Variants in CPNE4 observed in about 807,000 individuals in gnomAD.
The protein encoded by CPNE4 is copine 4.
CPNE4 carries 25 observed loss-of-function variants against 67.9 expected under a neutral mutation model. The observed-to-expected ratio is 0.37, with a 90% confidence interval of 0.27 to 0.51. The LOEUF (loss-of-function observed/expected upper bound fraction) is 0.51. CPNE4 is among the 20% of genes least tolerant of loss of function. The probability of loss-of-function intolerance (pLI) is 0.93; values close to 1 mark genes in which losing one functional copy is unlikely to be tolerated. For synonymous variants in CPNE4, 242 were observed against 244.9 expected (o/e 0.99, Z 0.11); for missense variants, 464 against 690.8 (o/e 0.67, Z 3.68).
At chr3:131,696,890 T>C (rs2081169742) in intron 4 of CPNE4, among the ~76,000 whole-genome samples, 1 of 152,116 alleles carries the variant, frequency 6.6e-6, no homozygotes, top group East Asian at 1.9e-4. Context: ...AGAAGAGCAG[T>C]TTGGAAGAGC....
chr3:131,966,593 A>G (rs2072355454), intron 1 of CPNE4, among the ~76,000 whole-genome samples: 1 of 152,104 alleles, frequency 6.6e-6, no homozygotes, highest in African/African-American at 2.4e-5. Context: ...ACTATAAACA[A>G]CTCTACACAG....
At chr3:131,612,277 G>A (rs187272327) in intron 7 of CPNE4, among the ~76,000 whole-genome samples, 231 of 152,280 alleles carry the variant, frequency 1.5e-3, no homozygotes, top group African/African-American at 5.2e-3. Context: ...AGGAGGCTGA[G>A]GCAGGAGAAT....
intron 2 of CPNE4, among the ~76,000 whole-genome samples, chr3:131,738,572 A>G (rs78381381): frequency 0.02 from 3,036 of 152,262 alleles, 84 homozygotes; most frequent in East Asian, 0.079. Context: ...CAACCCTGAA[A>G]TTCTAATTCT....
intron 1 of CPNE4, among the ~76,000 whole-genome samples, chr3:131,956,651 T>C (rs948658296): frequency 3.3e-5 from 5 of 152,132 alleles, no homozygotes; most frequent in Non-Finnish European, 7.4e-5. Flanking sequence ...TGAAAAACTA[T>C]ATAAATATCC....
intron 2 of CPNE4, among the ~76,000 whole-genome samples, chr3:131,824,604 A>T (rs1033467615): frequency 1.8e-4 from 28 of 152,178 alleles, no homozygotes; most frequent in African/African-American, 6.8e-4. Flanking sequence ...ATATTTAAGC[A>T]AGTAAGCCTG....
chr3:131,975,762 C>T (rs962335900), intron 1 of CPNE4, among the ~76,000 whole-genome samples: 7 of 152,008 alleles, frequency 4.6e-5, no homozygotes, highest in African/African-American at 1.7e-4. Flanking sequence ...TTTGTGTATT[C>T]GAATCATAAA....
At chr3:131,781,139 C>G (rs576756124) in intron 2 of CPNE4, among the ~76,000 whole-genome samples, 1 of 152,126 alleles carries the variant, frequency 6.6e-6, no homozygotes, top group East Asian at 1.9e-4. Context: ...TGTCAGTAAA[C>G]CCGGGTATGG....
At chr3:131,997,788 G>T (rs1486088724) in intron 1 of CPNE4, among the ~76,000 whole-genome samples, 1 of 152,130 alleles carries the variant, frequency 6.6e-6, no homozygotes, top group Non-Finnish European at 1.5e-5. Context: ...AAAGCGGCCA[G>T]ATTTGGCAGG....
intron 7 of CPNE4, among the ~76,000 whole-genome samples, chr3:131,590,056 G>A (rs1938433737): frequency 6.6e-6 from 1 of 152,104 alleles, no homozygotes; most frequent in African/African-American, 2.4e-5. Flanking sequence ...TGGAAACTAT[G>A]ATGTCTAATT....
At chr3:131,940,074 C>T (rs1268779425) in intron 1 of CPNE4, among the ~76,000 whole-genome samples, 1 of 152,066 alleles carries the variant, frequency 6.6e-6, no homozygotes. Flanking sequence ...TGCTCTAACC[C>T]TGTCCTGGAA....
intron 2 of CPNE4, among the ~76,000 whole-genome samples, chr3:131,839,824 G>C (rs1023062491): frequency 7.2e-5 from 11 of 152,262 alleles, no homozygotes; most frequent in African/African-American, 2.6e-4. Flanking sequence ...ACCCCAGGCA[G>C]ATTGTTAAAA....
At chr3:131,716,245 G>GGAGGCA (rs66470373) in intron 3 of CPNE4, among the ~76,000 whole-genome samples, 72,053 of 151,034 alleles carry the variant, frequency 0.48, 17,380 homozygotes, top group Non-Finnish European at 0.52. Flanking sequence ...GCAGCCTTCA[G>GGAGGCA]GAGGCAGACT....
At chr3:131,665,690 A>AAAG in intron 7 of CPNE4, among the ~76,000 whole-genome samples, 1 of 152,142 alleles carries the variant, frequency 6.6e-6, no homozygotes, top group East Asian at 1.9e-4. Flanking sequence ...CAAACAAAAA[A>AAAG]CAGAAAGAAA....
chr3:131,784,340 G>C (rs569504723), intron 2 of CPNE4, among the ~76,000 whole-genome samples: 9 of 151,994 alleles, frequency 5.9e-5, no homozygotes, highest in Non-Finnish European at 1.3e-4. Flanking sequence ...TCCTGCACTG[G>C]TACCTAATAT....
At chr3:131,766,803 C>T (rs1437577436) in intron 2 of CPNE4, among the ~76,000 whole-genome samples, 1 of 151,868 alleles carries the variant, frequency 6.6e-6, no homozygotes, top group Non-Finnish European at 1.5e-5. Flanking sequence ...TTCTAAGATG[C>T]ACAGTTTTCA....
At chr3:131,620,075 T>C (rs1940380139) in intron 7 of CPNE4, among the ~76,000 whole-genome samples, 1 of 152,168 alleles carries the variant, frequency 6.6e-6, no homozygotes, top group South Asian at 2.1e-4. Flanking sequence ...TGCCAGGCTC[T>C]CTCGGGTGTG....
At chr3:131,835,624 C>G (rs2085526219) in intron 2 of CPNE4, among the ~76,000 whole-genome samples, 1 of 152,126 alleles carries the variant, frequency 6.6e-6, no homozygotes, top group Non-Finnish European at 1.5e-5. Context: ...CCTACCTGCC[C>G]TAATAATACC....
At chr3:131,962,027 T>C (rs896688898) in intron 1 of CPNE4, among the ~76,000 whole-genome samples, 1 of 152,226 alleles carries the variant, frequency 6.6e-6, no homozygotes, top group African/African-American at 2.4e-5. Flanking sequence ...GCCAACATTT[T>C]TGAGTGCCTA....
At chr3:131,940,691 G>A (rs2071359963) in intron 1 of CPNE4, among the ~76,000 whole-genome samples, 1 of 151,972 alleles carries the variant, frequency 6.6e-6, no homozygotes, top group Admixed American at 6.6e-5. Flanking sequence ...CTCTCTTCTA[G>A]GCCAGTTCTA....
Sources: allele counts gnomAD v4.1 joint callset (sites outside exome capture counted in the v4.1 genomes callset), GRCh38; gene constraint gnomAD v4.1.1; transcripts MANE v1.5; gene names NCBI Gene and HGNC (gene_info 2026-07-23, HGNC 2026-07-21).